The following LAMP2 variants were observed in gnomAD, a reference collection of about 807,000 sequenced individuals.
LAMP2 encodes the protein lysosome associated membrane protein 2.
In LAMP2, 4 loss-of-function variants were observed where a neutral mutation model predicts 25.6. That is an observed-to-expected ratio of 0.16 (90% CI 0.08 to 0.36). The LOEUF (loss-of-function observed/expected upper bound fraction) is 0.36. Among genes scored for constraint, LAMP2 ranks in the 10% least tolerant of loss-of-function variants. The pLI is 1.00. For synonymous variants in LAMP2, 108 were observed against 112.7 expected (o/e 0.96, Z 0.27); for missense variants, 272 against 301.4 (o/e 0.90, Z 0.72).
chrX:120,458,848 TC>T (rs1921208196), intron 1 of LAMP2, among the ~76,000 whole-genome samples: 1 of 111,288 alleles, frequency 9.0e-6, no homozygotes, highest in East Asian at 2.8e-4. Context: ...GTCTTTTATT[TC>T]TACTCCCAAT....
chrX:120,438,181 T>C, intron 8 of LAMP2: 1 of 752,387 alleles, frequency 1.3e-6, no homozygotes, highest in Non-Finnish European at 1.6e-6. Context: ...TTTATAAGTG[T>C]AAGTGCACTT....
Position 120,426,384 on chromosome X carries a change from T to C in LAMP2, c.*4939A>G, listed in dbSNP as rs750715219. On this transcript the variant is annotated 3_prime_UTR_variant, in exon 9 of 9. Coordinates refer to ENST00000200639, the MANE Select transcript of LAMP2 (RefSeq NM_002294.3). ...TCGTACTGTCTGATCCACTGTTGTA[T>C]TGACATAAAATTGAACTCAGTAGGC... 6.1e-4 allele frequency among the ~76,000 whole-genome samples: 67 copies of C among 109,107 alleles called. No individual in the cohort carries two copies. The highest frequency in any genetic ancestry group is 2.1e-3 in the African/African-American group (64 of 29,974). 94.7% of individuals were successfully genotyped at this position (109,107 alleles called of 115,157 possible). A position where few individuals can be genotyped will look rare whatever the true frequency, so the allele number is the denominator to read the frequency against.
chrX:120,459,980 T>C (rs1374357499), intron 1 of LAMP2, among the ~76,000 whole-genome samples: 1 of 111,952 alleles, frequency 8.9e-6, no homozygotes, highest in Non-Finnish European at 1.9e-5. Context: ...AAAGAAAATG[T>C]TAAGAAAATC....
Position 120,431,044 on chromosome X carries a change from A to G in LAMP2, c.*279T>C. ...GGCATACTTCAAGGTTAGGATCAAA[A>G]TTTGGCCAGGGCTTCTTAAGATAGA... On this transcript the variant is annotated 3_prime_UTR_variant, in exon 9 of 9. Transcript: ENST00000200639. The G allele has an allele frequency of 1.1e-6, 1 of 925,526 alleles. No individual in the cohort carries two copies. The highest frequency in any genetic ancestry group is 1.3e-6 in the Non-Finnish European group (1 of 743,877). 76.3% of individuals were successfully genotyped at this position (925,526 alleles called of 1,213,427 possible). A position where few individuals can be genotyped will look rare whatever the true frequency, so the allele number is the denominator to read the frequency against.
chrX:120,463,925 T>TGTTTTTTTTTA (rs1447262745), intron 1 of LAMP2, among the ~76,000 whole-genome samples: 1 of 110,333 alleles, frequency 9.1e-6, no homozygotes, highest in African/African-American at 3.3e-5. Flanking sequence ...GTTTTTTTTT[T>TGTTTTTTTTTA]GTTTTTTTTT....
chrX:120,468,098 A>G (rs1022607623), intron 1 of LAMP2, among the ~76,000 whole-genome samples: 2 of 111,548 alleles, frequency 1.8e-5, no homozygotes, highest in Non-Finnish European at 3.8e-5. Context: ...TAACAACCCA[A>G]TCCTTAGCAA....
chrX:120,440,805 A>G (rs1292466518), intron 8 of LAMP2, among the ~76,000 whole-genome samples: 1 of 112,911 alleles, frequency 8.9e-6, no homozygotes, highest in African/African-American at 3.2e-5. Context: ...AAATATTTTT[A>G]AAGTGTAACT....
intron 1 of LAMP2, among the ~76,000 whole-genome samples, chrX:120,459,196 T>C (rs1225156695): frequency 1.8e-5 from 2 of 112,117 alleles, no homozygotes; most frequent in Non-Finnish European, 1.9e-5. Context: ...AAATCTACTT[T>C]CTTCTATTGG....
intron 3 of LAMP2, 86 bp downstream of exon 3, chrX:120,455,271 A>G (rs1921037457): frequency 1.3e-6 from 1 of 782,973 alleles, no homozygotes; most frequent in Non-Finnish European, 1.9e-6. Context: ...AGGAAGACAG[A>G]CATTCATAAC....
intron 8 of LAMP2, chrX:120,439,235 A>G (rs756513550): frequency 6.6e-6 from 8 of 1,209,543 alleles, no homozygotes; most frequent in Non-Finnish European, 9.0e-6. Context: ...AGCCTGAAAG[A>G]CCAGCACCAA....
intron 8 of LAMP2, chrX:120,439,322 T>C: frequency 8.7e-7 from 1 of 1,152,057 alleles, no homozygotes; most frequent in Non-Finnish European, 1.2e-6. Context: ...GTGTAATAAA[T>C]AATGAGTATA....
At chrX:120,452,384 G>A (rs189033743) in intron 3 of LAMP2, among the ~76,000 whole-genome samples, 61 of 110,830 alleles carry the variant, frequency 5.5e-4, no homozygotes, top group Admixed American at 9.7e-5. Flanking sequence ...AAAATCCTCC[G>A]CTTACTCAAA....
rs1921376841 is a variant in LAMP2, at chrX:120,462,830, G to T, written c.65-6061C>A. Among the ~76,000 whole-genome samples, 3 of 111,988 alleles carry T rather than the reference G, an allele frequency of 2.7e-5. No homozygotes were observed. The South Asian group carries it at 1.1e-3, about 41-fold the overall frequency. Reference sequence around the variant, plus strand: ...TCCAACTTCCTAGCTGTGAGACTTTGGGCAAGTTACCCTTGTTTAGAATTA... The same window carrying T: ...TCCAACTTCCTAGCTGTGAGACTTTTGGCAAGTTACCCTTGTTTAGAATTA... On this transcript the variant is annotated intron_variant, in intron 1 of 8. Coordinates refer to ENST00000200639, the MANE Select transcript of LAMP2 (RefSeq NM_002294.3).
At position 120,429,475 on chromosome X, in the gene LAMP2, T is replaced by A. The variant is rs2058514015; in HGVS notation, c.*1848A>T. ...ACATTTCTAAAGCATCTGATACACATCAAGAGGTCAACAAGTATTCATTCT... is the reference window on the plus strand; with the variant it reads ...ACATTTCTAAAGCATCTGATACACAACAAGAGGTCAACAAGTATTCATTCT... On this transcript the variant is annotated 3_prime_UTR_variant, in exon 9 of 9. Coordinates refer to ENST00000200639, the MANE Select transcript of LAMP2 (RefSeq NM_002294.3). 1 of 654,465 alleles carries A rather than the reference T, an allele frequency of 1.5e-6. No homozygotes were observed. Among genetic ancestry groups the A allele is most frequent in the Non-Finnish European group, 1.8e-6 (1 of 550,242 alleles). 53.9% of individuals were successfully genotyped at this position (654,465 alleles called of 1,213,427 possible).
At chrX:120,443,985 A>G (rs1457767394) in intron 6 of LAMP2, among the ~76,000 whole-genome samples, 1 of 110,028 alleles carries the variant, frequency 9.1e-6, no homozygotes, top group African/African-American at 3.3e-5. Flanking sequence ...TGTCAAAGAA[A>G]GAAAAGAAAA....
chrX:120,446,385 T>C lies in LAMP2; in HGVS notation c.784A>G (p.Thr262Ala), dbSNP rs754748093. Residue 262 changes from threonine to alanine, a missense_variant, in exon 6 of 9, where the codon ACA (threonine) becomes GCA (alanine). Transcript: ENST00000200639. ...ININPNTTHS[T>A]GSCRSHTALL... Reference sequence around the variant, plus strand: ...GCAGTGTGAGAACGGCAGCTGCCTGTGGAGTGAGTTGTATTGGGGTTGATG... The same window carrying C: ...GCAGTGTGAGAACGGCAGCTGCCTGCGGAGTGAGTTGTATTGGGGTTGATG... 1 of 1,206,054 alleles carries C rather than the reference T, an allele frequency of 8.3e-7. No individual in the cohort carries two copies. Among genetic ancestry groups the C allele is most frequent in the East Asian group, 3.0e-5 (1 of 33,818 alleles).
Position 120,429,519 on chromosome X carries a change from G to A in LAMP2, c.*1804C>T. 1 of 746,769 alleles carries A rather than the reference G, an allele frequency of 1.3e-6. No individual in the cohort carries two copies. Among genetic ancestry groups the A allele is most frequent in the Non-Finnish European group, 1.6e-6 (1 of 632,992 alleles). 61.5% of individuals were successfully genotyped at this position (746,769 alleles called of 1,213,427 possible). ...TCATTCTCTTCTCTTTTCCTCTTAT[G>A]CTCATGATCCCATCTGAGGAGGATT... On this transcript the variant is annotated 3_prime_UTR_variant, in exon 9 of 9. Coordinates refer to ENST00000200639, the MANE Select transcript of LAMP2 (RefSeq NM_002294.3).
chrX:120,443,512 T>G (rs1188821449), intron 6 of LAMP2, among the ~76,000 whole-genome samples: 4 of 111,773 alleles, frequency 3.6e-5, no homozygotes, highest in African/African-American at 9.8e-5. Context: ...CATCCCCATT[T>G]TGGGAGTATG....
In LAMP2 at chrX:120,469,128, G is replaced by A. The variant is rs727503122; in HGVS notation, c.42C>T (p.Leu14=). Residue 14 remains leucine, a synonymous_variant, in exon 1 of 9, where the codon CTC becomes CTT. Transcript: ENST00000200639. The part of the protein sequence containing the change: ...FRLFPVPGSG[L]VLVCLVLGAV... ...CACCCAGGACTAGGCAGACCAGAAC[G>A]AGCCCTGAGCCCGGAACCGGGAAGA... 1.4e-5 allele frequency: 17 copies of A among 1,210,847 alleles called. No individual in the cohort carries two copies. The East Asian group carries it at 1.5e-4, about 11-fold the overall frequency.
Sources: gnomAD v4.1 joint callset for allele counts (sites outside exome capture counted in the v4.1 genomes callset) on GRCh38, gnomAD v4.1.1 for gene constraint, MANE v1.5 for transcripts, NCBI Gene and HGNC (gene_info 2026-07-23, HGNC 2026-07-21) for gene names.